ZMYM5: variants seen among roughly 807,000 people sequenced by gnomAD.
The protein encoded by ZMYM5 is zinc finger MYM-type protein 5.
In ZMYM5, 41 loss-of-function variants were observed where a neutral mutation model predicts 61.8. The observed-to-expected ratio is 0.66, with a 90% CI of 0.52 to 0.86. ZMYM5 has a LOEUF of 0.86. Among genes scored for constraint, ZMYM5 ranks in the 40% least tolerant of loss-of-function variants. The pLI is 0.00. For missense variants in ZMYM5, 706 were observed against 786.7 expected, an observed-to-expected ratio of 0.90 and a Z score of 1.23; for synonymous variants, 257 against 276.4, an observed-to-expected ratio of 0.93 and a Z score of 0.70.
At position 19,838,681 on chromosome 13, in the gene ZMYM5, G is replaced by A. The variant is rs533809764; in HGVS notation, c.872+19C>T. ...TTAGTATTCAACTATGTGGAGAAAT[G>A]TTGAAAGGTACTGCTTACTTTTTAC... On this transcript the variant is annotated intron_variant, in intron 5 of 7. Transcript: ENST00000337963. 1.2e-6 allele frequency: 2 copies of A among 1,611,738 alleles called. No individual in the cohort carries two copies. The highest frequency in any genetic ancestry group is 1.7e-5 in the Admixed American group (1 of 59,912).
intron 7 of ZMYM5, among the ~76,000 whole-genome samples, chr13:19,830,076 T>G (rs1157649546): frequency 6.6e-5 from 10 of 152,120 alleles, no homozygotes; most frequent in African/African-American, 2.2e-4. Context: ...CCCTCAGGTG[T>G]GAGTCACAGA....
intron 7 of ZMYM5, among the ~76,000 whole-genome samples, chr13:19,833,292 T>C (rs992918423): frequency 3.3e-5 from 5 of 152,334 alleles, no homozygotes; most frequent in Non-Finnish European, 7.3e-5. Flanking sequence ...CAGTTTTACA[T>C]TATGATCTAT....
chr13:19,837,344 A>C, intron 6 of ZMYM5: 1 of 1,173,840 alleles, frequency 8.5e-7, no homozygotes, highest in Non-Finnish European at 1.1e-6. Context: ...CCAGCCCTTG[A>C]CCCCCAACTC....
At chr13:19,859,491 C>T (rs1449218346) in intron 2 of ZMYM5, among the ~76,000 whole-genome samples, 5 of 152,112 alleles carry the variant, frequency 3.3e-5, no homozygotes, top group Admixed American at 2.6e-4. Context: ...CAAGCTCCAC[C>T]TCCCAGGTTC....
Position 19,825,143 on chromosome 13 carries a change from C to T in ZMYM5, c.1344G>A (p.Ser448=), listed in dbSNP as rs376963911. 842 of 1,345,494 alleles carry T rather than the reference C, an allele frequency of 6.3e-4. No individual in the cohort carries two copies. The highest frequency in any genetic ancestry group is 7.7e-4 in the Non-Finnish European group (780 of 1,010,614). 83.3% of individuals were successfully genotyped at this position (1,345,494 alleles called of 1,614,324 possible). ...REENEKQLYG[S]SNTLLKKIEG... Reference sequence around the variant, plus strand: ...CTATTTTTTTCAAAAGTGTATTTGACGATCCATATAATTGTTTCTCATTTT... The same window carrying T: ...CTATTTTTTTCAAAAGTGTATTTGATGATCCATATAATTGTTTCTCATTTT... Residue 448 remains serine, a synonymous_variant, in exon 8 of 8, where the codon TCG becomes TCA. Coordinates refer to ENST00000337963, the MANE Select transcript of ZMYM5 (RefSeq NM_001142684.2).
chr13:19,855,990 C>A (rs1434791808), intron 2 of ZMYM5, among the ~76,000 whole-genome samples: 1 of 151,702 alleles, frequency 6.6e-6, no homozygotes, highest in African/African-American at 2.4e-5. Flanking sequence ...CACACTCCAG[C>A]CTGGGAGACA....
At chr13:19,830,914 A>T (rs1593848290) in intron 7 of ZMYM5, among the ~76,000 whole-genome samples, 1 of 143,368 alleles carries the variant, frequency 7.0e-6, no homozygotes, top group African/African-American at 2.6e-5. Context: ...ATCTCGGCTC[A>T]CTGCAAGCTC....
chr13:19,838,688 G>C lies in ZMYM5; in HGVS notation c.872+12C>G, dbSNP rs1952754047. On this transcript the variant is annotated intron_variant, in intron 5 of 7. Coordinates refer to ENST00000337963, the MANE Select transcript of ZMYM5 (RefSeq NM_001142684.2). ...TCAACTATGTGGAGAAATGTTGAAA[G>C]GTACTGCTTACTTTTTACATATTAT... The C allele has an allele frequency of 6.2e-7, 1 of 1,612,608 alleles. No individual in the cohort carries two copies. Among genetic ancestry groups the C allele is most frequent in the Non-Finnish European group, 8.5e-7 (1 of 1,178,814 alleles).
intron 4 of ZMYM5, among the ~76,000 whole-genome samples, chr13:19,843,178 T>G (rs184960554): frequency 8.8e-5 from 13 of 148,562 alleles, no homozygotes; most frequent in African/African-American, 2.5e-4. Context: ...GAGGCTGGAG[T>G]GTGATCTTGG....
At chr13:19,843,754 T>G (rs1952972183) in intron 4 of ZMYM5, 1 of 151,604 alleles carries the variant, frequency 6.6e-6, no homozygotes, top group Admixed American at 6.6e-5. Flanking sequence ...GAGAACGGCT[T>G]GAACCTGGGA....
At chr13:19,847,359 C>T (rs975580157) in intron 4 of ZMYM5, among the ~76,000 whole-genome samples, 2 of 152,094 alleles carry the variant, frequency 1.3e-5, no homozygotes, top group Admixed American at 6.6e-5. Flanking sequence ...TCTAAAAAGA[C>T]GTGGAAAATA....
chr13:19,847,114 A>AT (rs1315511218), intron 4 of ZMYM5, among the ~76,000 whole-genome samples: 4 of 151,728 alleles, frequency 2.6e-5, no homozygotes, highest in Non-Finnish European at 4.4e-5. Flanking sequence ...CACCCAGCTA[A>AT]TTTTTTGCAT....
At chr13:19,829,435 G>C (rs1891092427) in intron 7 of ZMYM5, among the ~76,000 whole-genome samples, 2 of 152,154 alleles carry the variant, frequency 1.3e-5, no homozygotes, top group East Asian at 3.9e-4. Flanking sequence ...GGGACCACAG[G>C]GGCATGCCAC....
At position 19,835,645 on chromosome 13, in the gene ZMYM5, GCA is replaced by G. The variant is rs764046838; in HGVS notation, c.1081_1082del (p.Cys361GlnfsTer2). On this transcript the variant is annotated frameshift_variant, in exon 7 of 8. Transcript: ENST00000337963. LOFTEE classifies it high-confidence loss of function. ...VSVNNVTHKL[C>X]SNHCFNKYRL... ...TGTACTTATTAAAGCAATGGTTACT[GCA>G]CAGTTTATGTGTTACATTATTTACG... The G allele has an allele frequency of 8.0e-6, 11 of 1,367,516 alleles. No individual in the cohort carries two copies. Among genetic ancestry groups the G allele is most frequent in the East Asian group, 9.1e-5 (2 of 21,998 alleles). 84.7% of individuals were successfully genotyped at this position (1,367,516 alleles called of 1,614,324 possible). A position where few individuals can be genotyped will look rare whatever the true frequency, so the allele number is the denominator to read the frequency against.
At chr13:19,832,677 T>C (rs1176270607) in intron 7 of ZMYM5, among the ~76,000 whole-genome samples, 1 of 152,138 alleles carries the variant, frequency 6.6e-6, no homozygotes, top group Non-Finnish European at 1.5e-5. Context: ...TAAGACTTAA[T>C]ATAGTTTTTA....
intron 7 of ZMYM5, 38 bp downstream of exon 7, chr13:19,835,439 A>G: frequency 1.6e-6 from 2 of 1,279,416 alleles, no homozygotes; most frequent in Non-Finnish European, 2.1e-6. Context: ...TGAAGCTACT[A>G]TATATTTGAT....
In ZMYM5 at chr13:19,830,808, G is replaced by A. The variant is rs544244250; in HGVS notation, c.1251+4669C>T. 4.8e-4 allele frequency among the ~76,000 whole-genome samples: 73 copies of A among 150,518 alleles called. 1 individual carries two copies. Among genetic ancestry groups the A allele is most frequent in the African/African-American group, 9.3e-4 (38 of 40,950 alleles). ...CCACAGGCATGAGACACCTCGCCCG[G>A]CCTTTGCCAACTGTTTATGAGTTAC... is the stretch of plus-strand genomic sequence containing the variant. On this transcript the variant is annotated intron_variant, in intron 7 of 7. Coordinates refer to ENST00000337963, the MANE Select transcript of ZMYM5 (RefSeq NM_001142684.2).
chr13:19,855,919 G>A (rs1036997938), intron 2 of ZMYM5, among the ~76,000 whole-genome samples: 2 of 151,944 alleles, frequency 1.3e-5, no homozygotes, highest in African/African-American at 4.8e-5. Context: ...GGGAGGCTGA[G>A]GCAGGAGAAT....
intron 2 of ZMYM5, among the ~76,000 whole-genome samples, chr13:19,860,065 T>C (rs1439148302): frequency 3.7e-4 from 48 of 130,274 alleles, no homozygotes; most frequent in Non-Finnish European, 6.7e-4. Flanking sequence ...GATCACGCCA[T>C]TGCACTCCAG....
Sources: allele counts gnomAD v4.1 joint callset (sites outside exome capture counted in the v4.1 genomes callset), GRCh38; gene constraint gnomAD v4.1.1; transcripts MANE v1.5; gene names NCBI Gene and HGNC (gene_info 2026-07-23, HGNC 2026-07-21).